Variants in SDK1 observed in about 807,000 individuals in gnomAD.
The protein encoded by SDK1 is protein sidekick-1.
In SDK1, 157 loss-of-function variants were observed where a neutral mutation model predicts 245.5. That is an observed-to-expected ratio of 0.64 (90% confidence interval 0.56 to 0.73). SDK1 has a LOEUF of 0.73. SDK1 is among the 30% of genes least tolerant of loss of function. SDK1 has a pLI of 0.00. For missense variants in SDK1, 3,583 were observed against 3,002.3 expected (o/e 1.19, Z -4.52); for synonymous variants, 1,647 against 1,278.5 (o/e 1.29, Z -6.15).
rs112895168 is a variant in SDK1 at position 3,972,946 on chromosome 7, G to C, written c.1817+1378G>C. ...CCTGGGGGCCACCCTGGAGACGGTC[G>C]TCAGGCCTCGGAAAGAGCTCCTTCC... On this transcript the variant is annotated intron_variant, in intron 12 of 44. Coordinates refer to ENST00000404826, the MANE Select transcript of SDK1 (RefSeq NM_152744.4). 5.9e-5 allele frequency among the ~76,000 whole-genome samples: 9 copies of C among 152,294 alleles called. 1 individual carries two copies. In the South Asian group the frequency reaches 1.4e-3, roughly 25 times the overall value.
At chr7:4,029,228 T>TTTTTTTTTTTGTG (rs746967075) in intron 17 of SDK1, among the ~76,000 whole-genome samples, 7,563 of 111,030 alleles carry the variant, frequency 0.068, 693 homozygotes, top group African/African-American at 0.085. Context: ...TTTTTTTTTT[T>TTTTTTTTTTTGTG]TGTGAAGAAG....
chr7:3,667,412 C>G (rs1302859729), intron 4 of SDK1, among the ~76,000 whole-genome samples: 1 of 152,136 alleles, frequency 6.6e-6, no homozygotes, highest in Non-Finnish European at 1.5e-5. Context: ...CTCCTCCTAC[C>G]CTGAGGCTTT....
chr7:3,509,467 A>G (rs974591826), intron 1 of SDK1, among the ~76,000 whole-genome samples: 1 of 152,200 alleles, frequency 6.6e-6, no homozygotes, highest in African/African-American at 2.4e-5. Context: ...CTGTAAAGCA[A>G]TTAAAGGGTG....
At chr7:4,042,170 G>C (rs967102406) in intron 17 of SDK1, among the ~76,000 whole-genome samples, 1 of 136,030 alleles carries the variant, frequency 7.4e-6, no homozygotes, top group Non-Finnish European at 1.5e-5. Context: ...AAAACTAACA[G>C]ATATCCCTGT....
At chr7:3,821,702 G>A in intron 5 of SDK1, 119 bp downstream of exon 5, 1 of 1,024,942 alleles carries the variant, frequency 9.8e-7, no homozygotes, top group East Asian at 2.7e-5. Flanking sequence ...AGTAGTTACG[G>A]TTTAATATTG....
At chr7:3,586,125 G>C (rs574318889) in intron 1 of SDK1, among the ~76,000 whole-genome samples, 3 of 151,992 alleles carry the variant, frequency 2.0e-5, no homozygotes, top group East Asian at 1.9e-4. Flanking sequence ...CGCTGGGGGA[G>C]AGAGCGCTGA....
At chr7:3,862,879 A>G (rs1026010988) in intron 5 of SDK1, among the ~76,000 whole-genome samples, 1 of 152,174 alleles carries the variant, frequency 6.6e-6, no homozygotes, top group Non-Finnish European at 1.5e-5. Context: ...CATAAGGAGC[A>G]TGCAACCCAT....
intron 1 of SDK1, among the ~76,000 whole-genome samples, chr7:3,447,013 C>A (rs528123104): frequency 6.6e-6 from 1 of 152,232 alleles, no homozygotes; most frequent in African/African-American, 2.4e-5. Context: ...TCATGATGTG[C>A]AGTGGGCTTT....
chr7:3,412,300 A>G (rs937946383), intron 1 of SDK1, among the ~76,000 whole-genome samples: 1 of 152,152 alleles, frequency 6.6e-6, no homozygotes, highest in Non-Finnish European at 1.5e-5. Context: ...TAATACAAAC[A>G]TGTATACTAT....
chr7:3,759,479 G>A (rs907763300), intron 4 of SDK1, among the ~76,000 whole-genome samples: 1 of 152,048 alleles, frequency 6.6e-6, no homozygotes, highest in Non-Finnish European at 1.5e-5. Flanking sequence ...CAGCGACTGT[G>A]GACTGTCTCC....
intron 4 of SDK1, among the ~76,000 whole-genome samples, chr7:3,788,275 G>C (rs1022411299): frequency 1.3e-5 from 2 of 152,196 alleles, no homozygotes; most frequent in African/African-American, 4.8e-5. Context: ...CAGAACAGCA[G>C]AAACCTGGTC....
rs555822349 is a variant in SDK1 at position 3,430,883 on chromosome 7, CTCTG to C, written c.298+129003_298+129006del. Among the ~76,000 whole-genome samples, 664 of 152,208 alleles carry C rather than the reference CTCTG, an allele frequency of 4.4e-3. 3 individuals are homozygous for C. The highest frequency in any genetic ancestry group is 0.01 in the Middle Eastern group (3 of 294). ...GTATTCAGCTTTCCTGCCTCTGGCT[CTCTG>C]TCTTTTACCTTTTTTTGTTCGTTTG... On this transcript the variant is annotated intron_variant, in intron 1 of 44. Coordinates refer to ENST00000404826, the MANE Select transcript of SDK1 (RefSeq NM_152744.4).
chr7:3,838,318 G>A (rs908733099), intron 5 of SDK1, among the ~76,000 whole-genome samples: 3 of 152,230 alleles, frequency 2.0e-5, no homozygotes, highest in Admixed American at 6.5e-5. Context: ...CCTGAGCCAC[G>A]GTTGAGAGAA....
chr7:3,818,961 G>A (rs970932035), intron 4 of SDK1, among the ~76,000 whole-genome samples: 4 of 152,128 alleles, frequency 2.6e-5, no homozygotes, highest in African/African-American at 9.7e-5. Context: ...ACAAAATCAG[G>A]GCCGCTAAGA....
At position 3,427,831 on chromosome 7, in the gene SDK1, C is replaced by G. The variant is rs182504538; in HGVS notation, c.298+125947C>G. Reference sequence around the variant, plus strand: ...AGCTCCTGTGGCTGCACATCATTGTCTCTTAGATGTCGTTAGTGTCTCTTA... The same window carrying G: ...AGCTCCTGTGGCTGCACATCATTGTGTCTTAGATGTCGTTAGTGTCTCTTA... On this transcript the variant is annotated intron_variant, in intron 1 of 44. Coordinates refer to ENST00000404826, the MANE Select transcript of SDK1 (RefSeq NM_152744.4). Among the ~76,000 whole-genome samples the G allele has an allele frequency of 1.6e-3, 174 of 106,344 alleles. 3 individuals are homozygous for G. The highest frequency in any genetic ancestry group is 0.01 in the African/African-American group (168 of 16,614). 69.8% of individuals were successfully genotyped at this position (106,344 alleles called of 152,430 possible).
chr7:3,983,475 C>CT (rs916359245), intron 13 of SDK1, among the ~76,000 whole-genome samples: 1 of 142,680 alleles, frequency 7.0e-6, no homozygotes, highest in Non-Finnish European at 1.6e-5. Flanking sequence ...AGATGATCAC[C>CT]TTTTTTAGCA....
chr7:3,908,294 T>A (rs2128107757), intron 5 of SDK1, among the ~76,000 whole-genome samples: 1 of 152,304 alleles, frequency 6.6e-6, no homozygotes, highest in Admixed American at 6.5e-5. Context: ...GGAAAATTCA[T>A]TGCACAAATG....
chr7:3,926,343 C>T (rs1779766773), intron 5 of SDK1, among the ~76,000 whole-genome samples: 1 of 152,356 alleles, frequency 6.6e-6, no homozygotes. Context: ...GTCTGGCATA[C>T]AGTAGGCACC....
chr7:3,993,957 C>A (rs1008009189), intron 14 of SDK1, among the ~76,000 whole-genome samples: 1 of 152,216 alleles, frequency 6.6e-6, no homozygotes, highest in African/African-American at 2.4e-5. Context: ...CCCACACAGA[C>A]CTCCTTGTTC....
Sources: allele counts gnomAD v4.1 joint callset (sites outside exome capture counted in the v4.1 genomes callset), GRCh38; gene constraint gnomAD v4.1.1; transcripts MANE v1.5; gene names NCBI Gene and HGNC (gene_info 2026-07-23, HGNC 2026-07-21).